Variants in PECAM1 observed in about 807,000 individuals in gnomAD.
PECAM1 encodes platelet endothelial cell adhesion molecule.
A neutral mutation model predicts 13.8 loss-of-function variants in PECAM1; 8 were observed. The observed-to-expected ratio is 0.58, with a 90% CI of 0.34 to 1.05. The LOEUF is 1.05. PECAM1 is among the 50% of genes least tolerant of loss of function. The probability of loss-of-function intolerance (pLI) is 0.03; values close to 1 mark genes in which losing one functional copy is unlikely to be tolerated. For missense variants in PECAM1, 304 were observed against 141.2 expected (o/e 2.15, Z -5.84); for synonymous variants, 136 against 52.6 (o/e 2.58, Z -6.86).
chr17:64,327,853 A>G (rs926050985), intron 15 of PECAM1, among the ~76,000 whole-genome samples: 1 of 152,232 alleles, frequency 6.6e-6, no homozygotes, highest in Non-Finnish European at 1.5e-5. Flanking sequence ...AATGATCGCC[A>G]GGTTTGATTT....
intron 5 of PECAM1, among the ~76,000 whole-genome samples, chr17:64,368,722 A>C (rs1410397113): frequency 1.3e-5 from 2 of 151,344 alleles, no homozygotes; most frequent in Admixed American, 1.3e-4. Context: ...ATGGTGGCGC[A>C]TGCACCTGTA....
chr17:64,342,281 C>T (rs964606472), intron 13 of PECAM1, among the ~76,000 whole-genome samples: 14 of 152,296 alleles, frequency 9.2e-5, no homozygotes, highest in East Asian at 1.9e-4. Context: ...TGAGGGGCCA[C>T]GGATGGAGAG....
rs2035678914 is a variant in PECAM1 at position 64,350,008 on chromosome 17, C to T, written c.2044+372G>A. 2.0e-5 allele frequency among the ~76,000 whole-genome samples: 3 copies of T among 152,184 alleles called. No individual in the cohort carries two copies. In the East Asian group the frequency reaches 5.8e-4, roughly 29 times the overall value. On this transcript the variant is annotated intron_variant, in intron 12 of 15. Coordinates refer to ENST00000563924, the MANE Select transcript of PECAM1 (RefSeq NM_000442.5). ...AAGGAATTTTGAAAAATGATTTAGT[C>T]CAATCCCTCAGTGCTTCAGGCAGAA...
Position 64,321,633 on chromosome 17 carries a change from C to T in PECAM1, c.*2183G>A, listed in dbSNP as rs1034366756. Reference sequence around the variant, plus strand: ...AAAATTAGCCAGCTATGGCGGCTCACGCCTCTGGTCCCAGCTACCCAGGAA... The same window carrying T: ...AAAATTAGCCAGCTATGGCGGCTCATGCCTCTGGTCCCAGCTACCCAGGAA... On this transcript the variant is annotated 3_prime_UTR_variant, in exon 16 of 16. Coordinates refer to ENST00000563924, the MANE Select transcript of PECAM1 (RefSeq NM_000442.5). 1 of 481,582 alleles carries T rather than the reference C, an allele frequency of 2.1e-6. No individual in the cohort carries two copies. The highest frequency in any genetic ancestry group is 2.9e-6 in the Non-Finnish European group (1 of 342,896). The allele number at this position is 481,582 out of a possible 1,614,324, so 29.8% of individuals were successfully genotyped here. A position where few individuals can be genotyped will look rare whatever the true frequency, so the allele number is the denominator to read the frequency against.
At chr17:64,361,942 C>T (rs900136700) in intron 6 of PECAM1, among the ~76,000 whole-genome samples, 1 of 152,064 alleles carries the variant, frequency 6.6e-6, no homozygotes, top group Non-Finnish European at 1.5e-5. Context: ...TGCATTCCTG[C>T]CTTTTGAGTT....
intron 2 of PECAM1, among the ~76,000 whole-genome samples, chr17:64,379,376 A>T (rs2036432766): frequency 6.6e-6 from 1 of 152,174 alleles, no homozygotes; most frequent in Admixed American, 6.5e-5. Context: ...GGTGCTCTCT[A>T]GCTATTGCTG....
intron 5 of PECAM1, among the ~76,000 whole-genome samples, chr17:64,364,440 T>C (rs1273208216): frequency 6.6e-6 from 1 of 151,934 alleles, no homozygotes; most frequent in Non-Finnish European, 1.5e-5. Context: ...TTCCAGTCAA[T>C]AGAAAAAGAG....
intron 5 of PECAM1, among the ~76,000 whole-genome samples, chr17:64,366,543 T>C (rs1172341711): frequency 6.6e-6 from 1 of 151,894 alleles, no homozygotes; most frequent in Non-Finnish European, 1.5e-5. Context: ...ATTGTGGCAC[T>C]ATTCACAATA....
intron 14 of PECAM1, among the ~76,000 whole-genome samples, chr17:64,335,327 C>T (rs1221619583): frequency 4.6e-5 from 7 of 151,240 alleles, no homozygotes; most frequent in African/African-American, 1.5e-4. Context: ...TGCTTGAGGC[C>T]GGGGGACAGA....
intron 13 of PECAM1, among the ~76,000 whole-genome samples, chr17:64,342,434 C>G (rs994712469): frequency 1.4e-4 from 22 of 152,158 alleles, no homozygotes; most frequent in Admixed American, 1.4e-3. Flanking sequence ...GCCCAGACCC[C>G]GGGATCCAGA....
intron 14 of PECAM1, among the ~76,000 whole-genome samples, chr17:64,340,934 C>A (rs2035411455): frequency 1.3e-5 from 2 of 152,098 alleles, no homozygotes; most frequent in African/African-American, 4.8e-5. Context: ...CCCGTCTCTA[C>A]TAAAAATACA....
At chr17:64,360,582 C>CTGTGTG (rs10589772) in intron 6 of PECAM1, among the ~76,000 whole-genome samples, 167 bp from the exon 7 acceptor site, 6,453 of 139,312 alleles carry the variant, frequency 0.046, 211 homozygotes, top group African/African-American at 0.085. Context: ...GACTGACAGG[C>CTGTGTG]TGTGTGTGTG....
intron 3 of PECAM1, 34 bp from the exon 4 acceptor site, chr17:64,375,390 C>T (rs1227718643): frequency 2.3e-6 from 1 of 437,850 alleles, no homozygotes; most frequent in Non-Finnish European, 4.1e-6. Context: ...CAGTATCAGC[C>T]TGATTGAAGA....
At chr17:64,386,589 C>G (rs998590131) in intron 2 of PECAM1, among the ~76,000 whole-genome samples, 4 of 151,946 alleles carry the variant, frequency 2.6e-5, no homozygotes, top group African/African-American at 9.7e-5. Flanking sequence ...GATAAACTTC[C>G]TGGATTAGAT....
At chr17:64,372,291 G>A (rs2036259214) in intron 4 of PECAM1, among the ~76,000 whole-genome samples, 1 of 151,944 alleles carries the variant, frequency 6.6e-6, no homozygotes, top group Non-Finnish European at 1.5e-5. Context: ...GTAAGGATGT[G>A]GGAAAACAAA....
rs968315787 is a variant in PECAM1 at position 64,348,371 on chromosome 17, G to A, written c.2045-49C>T. On this transcript the variant is annotated intron_variant, in intron 12 of 15. Coordinates refer to ENST00000563924, the MANE Select transcript of PECAM1 (RefSeq NM_000442.5). ...TTGTTGTTTAGGTGGAATCTCTTGT[G>A]GGCACCTCAGATCATAGAAGTAGAG... 5.7e-4 allele frequency: 270 copies of A among 473,640 alleles called. 1 individual carries two copies. Among genetic ancestry groups the A allele is most frequent in the African/African-American group, 4.9e-3 (245 of 50,490 alleles). 29.3% of individuals were successfully genotyped at this position (473,640 alleles called of 1,614,324 possible).
chr17:64,360,582 C>CTG (rs10589772), intron 6 of PECAM1, among the ~76,000 whole-genome samples, 167 bp from the exon 7 acceptor site: 8,228 of 139,372 alleles, frequency 0.059, 294 homozygotes, highest in African/African-American at 0.1. Context: ...GACTGACAGG[C>CTG]TGTGTGTGTG....
chr17:64,351,506 C>G (rs1290500538), intron 11 of PECAM1, among the ~76,000 whole-genome samples: 2 of 152,140 alleles, frequency 1.3e-5, no homozygotes, highest in Non-Finnish European at 2.9e-5. Context: ...AGAAGGATTT[C>G]TTAAGCCCAG....
intron 7 of PECAM1, among the ~76,000 whole-genome samples, chr17:64,358,848 G>A (rs1461682121): frequency 6.6e-6 from 1 of 151,562 alleles, no homozygotes; most frequent in Non-Finnish European, 1.5e-5. Flanking sequence ...CCAGGCTGGA[G>A]TGTAGCGGAA....
Sources: allele counts gnomAD v4.1 joint callset (sites outside exome capture counted in the v4.1 genomes callset), GRCh38; gene constraint gnomAD v4.1.1; transcripts MANE v1.5; gene names NCBI Gene and HGNC (gene_info 2026-07-23, HGNC 2026-07-21).